Variants in FRMD4B observed in about 807,000 individuals in gnomAD.
FRMD4B encodes the protein FERM domain-containing protein 4B.
A neutral mutation model predicts 141.5 loss-of-function variants in FRMD4B; 74 were observed. The ratio of observed to expected loss-of-function variants is 0.52; its 90% CI spans 0.43 to 0.63. The LOEUF is 0.63. Among genes scored for constraint, FRMD4B ranks in the 30% least tolerant of loss-of-function variants. FRMD4B has a pLI of 0.00. For synonymous variants in FRMD4B, 506 were observed against 467.9 expected (o/e 1.08, Z -1.05); for missense variants, 1,366 against 1,253.4 (o/e 1.09, Z -1.36).
chr3:69,319,706 G>A (rs1701933347), intron 1 of FRMD4B, among the ~76,000 whole-genome samples: 1 of 152,134 alleles, frequency 6.6e-6, no homozygotes, highest in African/African-American at 2.4e-5. Flanking sequence ...CATGAGGTGG[G>A]TACTCTTAGC....
chr3:69,367,929 G>A (rs1022027876), intron 1 of FRMD4B, among the ~76,000 whole-genome samples: 1 of 152,130 alleles, frequency 6.6e-6, no homozygotes, highest in African/African-American at 2.4e-5. Context: ...ATAATTTAAT[G>A]CTTCTGCTTT....
At chr3:69,415,597 A>G (rs1035407074) in intron 2 of FRMD4B, among the ~76,000 whole-genome samples, 11 of 152,318 alleles carry the variant, frequency 7.2e-5, no homozygotes, top group Middle Eastern at 3.4e-3. Context: ...ACTCTCAGCT[A>G]AAGAGTCATG....
At chr3:69,234,458 A>C (rs549476043) in intron 7 of FRMD4B, among the ~76,000 whole-genome samples, 5 of 152,296 alleles carry the variant, frequency 3.3e-5, no homozygotes, top group Admixed American at 6.5e-5. Context: ...GGTGATTAGC[A>C]GTTTAAGAGC....
chr3:69,258,749 T>C (rs946927165), intron 5 of FRMD4B, among the ~76,000 whole-genome samples: 4 of 152,200 alleles, frequency 2.6e-5, no homozygotes, highest in African/African-American at 9.6e-5. Flanking sequence ...CTTCAATCTG[T>C]TCTCCTTTGA....
chr3:69,266,223 A>C (rs2106895255), intron 5 of FRMD4B, among the ~76,000 whole-genome samples: 1 of 152,170 alleles, frequency 6.6e-6, no homozygotes, highest in East Asian at 1.9e-4. Flanking sequence ...AAAAAAGCTC[A>C]AAAGTGGTGA....
At chr3:69,197,077 G>A (rs1366476125) in intron 12 of FRMD4B, 39 bp from the exon 13 acceptor site, 2 of 1,573,098 alleles carry the variant, frequency 1.3e-6, no homozygotes, top group East Asian at 4.5e-5. Context: ...ATTCCCCTCT[G>A]GCCCAGCATG....
intron 1 of FRMD4B, among the ~76,000 whole-genome samples, chr3:69,465,547 C>T (rs1300447172): frequency 1.3e-5 from 2 of 151,778 alleles, no homozygotes; most frequent in Non-Finnish European, 2.9e-5. Flanking sequence ...CCCAGTCCCC[C>T]AGCCCCCGAC....
At chr3:69,189,522 T>C (rs961718145) in intron 18 of FRMD4B, among the ~76,000 whole-genome samples, 11 of 152,194 alleles carry the variant, frequency 7.2e-5, no homozygotes, top group African/African-American at 1.2e-4. Flanking sequence ...GATGTCACCA[T>C]TGGGAAAAGC....
chr3:69,225,066 A>G (rs2093237239), intron 7 of FRMD4B, among the ~76,000 whole-genome samples: 1 of 151,752 alleles, frequency 6.6e-6, no homozygotes, highest in Admixed American at 6.5e-5. Flanking sequence ...ACTGGTTATC[A>G]TGAAACCATT....
intron 1 of FRMD4B, among the ~76,000 whole-genome samples, chr3:69,520,390 T>C (rs1700837215): frequency 1.4e-5 from 2 of 144,472 alleles, no homozygotes; most frequent in Admixed American, 6.9e-5. Context: ...GGAATATATA[T>C]ATATGATGGA....
At chr3:69,312,397 A>G (rs1317019347) in intron 2 of FRMD4B, among the ~76,000 whole-genome samples, 1 of 152,220 alleles carries the variant, frequency 6.6e-6, no homozygotes, top group Non-Finnish European at 1.5e-5. Context: ...GGGCAAAGCT[A>G]CTGTTGACTG....
At chr3:69,286,998 T>C (rs1189996030) in intron 5 of FRMD4B, among the ~76,000 whole-genome samples, 2 of 152,098 alleles carry the variant, frequency 1.3e-5, no homozygotes, top group African/African-American at 4.8e-5. Flanking sequence ...AGAGATGGGG[T>C]TTCACTGTGT....
intron 11 of FRMD4B, among the ~76,000 whole-genome samples, chr3:69,210,379 A>G (rs569536162): frequency 3.9e-5 from 6 of 151,962 alleles, no homozygotes; most frequent in Non-Finnish European, 8.8e-5. Flanking sequence ...TTTCCTTGAA[A>G]TACTGAACAA....
chr3:69,353,651 G>A, intron 1 of FRMD4B: 8 of 982,452 alleles, frequency 8.1e-6, no homozygotes, highest in Non-Finnish European at 9.7e-6. Context: ...GTGCGCGCGC[G>A]TGTGTGTGCG....
chr3:69,196,241 T>C lies in FRMD4B; in HGVS notation c.1234+14A>G, dbSNP rs113862214. The stretch of plus-strand genomic sequence containing the variant: ...TAAAGATGGCTTGCACGTTCTCTAA[T>C]CCCAAGATGTTACCTGAGGAGATTA... On this transcript the variant is annotated intron_variant, in intron 14 of 22. Transcript: ENST00000398540. 565 of 1,559,810 alleles carry C rather than the reference T, an allele frequency of 3.6e-4. 2 individuals carry two copies. In the African/African-American group the frequency reaches 6.8e-3, roughly 19 times the overall value.
intron 1 of FRMD4B, among the ~76,000 whole-genome samples, chr3:69,473,917 G>A (rs2106954665): frequency 6.6e-6 from 1 of 152,226 alleles, no homozygotes; most frequent in East Asian, 1.9e-4. Flanking sequence ...TCAAGGGTTT[G>A]CGCTTAGGCT....
intron 1 of FRMD4B, among the ~76,000 whole-genome samples, chr3:69,481,102 G>C (rs934151529): frequency 3.3e-5 from 5 of 152,168 alleles, no homozygotes; most frequent in Non-Finnish European, 5.9e-5. Context: ...GATTTTCCAG[G>C]TGCTGTCTGT....
At chr3:69,399,788 C>G (rs951216208) in intron 2 of FRMD4B, among the ~76,000 whole-genome samples, 1 of 152,188 alleles carries the variant, frequency 6.6e-6, no homozygotes, top group Non-Finnish European at 1.5e-5. Context: ...CTTCCCTTCT[C>G]ATTACATCCA....
At chr3:69,348,785 C>A (rs1479349704) in intron 1 of FRMD4B, among the ~76,000 whole-genome samples, 2 of 152,154 alleles carry the variant, frequency 1.3e-5, no homozygotes, top group African/African-American at 4.8e-5. Context: ...AATTCAACAG[C>A]CCTTTATGCT....
Sources: gnomAD v4.1 joint callset for allele counts (sites outside exome capture counted in the v4.1 genomes callset) on GRCh38, gnomAD v4.1.1 for gene constraint, MANE v1.5 for transcripts, NCBI Gene and HGNC (gene_info 2026-07-23, HGNC 2026-07-21) for gene names.